Variants in PNPT1 observed in about 807,000 individuals in gnomAD.
PNPT1 encodes polyribonucleotide nucleotidyltransferase 1.
A neutral mutation model predicts 119.5 loss-of-function variants in PNPT1; 53 were observed. The ratio of observed to expected loss-of-function variants is 0.44; its 90% CI spans 0.36 to 0.56. The LOEUF is 0.56. Ranked by LOEUF, PNPT1 falls within the 20% of genes least tolerant of loss-of-function variation. The pLI, the probability that PNPT1 is intolerant of heterozygous loss-of-function variation, is 0.00. For synonymous variants in PNPT1, 357 were observed against 322.1 expected (o/e 1.11, Z -1.16); for missense variants, 948 against 938.5 (o/e 1.01, Z -0.13).
At chr2:55,690,281 G>C (rs996100617) in intron 1 of PNPT1, among the ~76,000 whole-genome samples, 2 of 152,174 alleles carry the variant, frequency 1.3e-5, no homozygotes, top group Non-Finnish European at 2.9e-5. Flanking sequence ...AGCAAAACTT[G>C]TCAAAGAGCT....
chr2:55,636,184 A>G lies in PNPT1; in HGVS notation c.*53T>C. The G allele has an allele frequency of 1.4e-6, 2 of 1,418,134 alleles. No individual in the cohort carries two copies. Among genetic ancestry groups the G allele is most frequent in the Admixed American group, 3.9e-5 (2 of 50,846 alleles). The allele number at this position is 1,418,134 out of a possible 1,614,324, so 87.8% of individuals were successfully genotyped here. A position where few individuals can be genotyped will look rare whatever the true frequency, so the allele number is the denominator to read the frequency against. ...AGATACTACTAAAATGTTGCTCTAC[A>G]GCACATCACCCTAGACAAAATAGAA... is the stretch of plus-strand genomic sequence containing the variant. On this transcript the variant is annotated 3_prime_UTR_variant, in exon 28 of 28. Coordinates refer to ENST00000447944, the MANE Select transcript of PNPT1 (RefSeq NM_033109.5).
chr2:55,639,892 A>C lies in PNPT1; in HGVS notation c.2148+735T>G, dbSNP rs562398210. 2.6e-5 allele frequency among the ~76,000 whole-genome samples: 4 copies of C among 152,276 alleles called. No individual in the cohort carries two copies. The East Asian group carries it at 7.7e-4, about 29-fold the overall frequency. ...TCTTTTCCTACCACCTTTTTTAAAA[A>C]GCACATTTAGCTCTTTGATCCAGAC... On this transcript the variant is annotated intron_variant, in intron 26 of 27. Transcript: ENST00000447944.
intron 27 of PNPT1, 66 bp downstream of exon 27, chr2:55,637,486 G>T (rs1476377856): frequency 2.1e-6 from 3 of 1,440,500 alleles, no homozygotes; most frequent in Admixed American, 3.8e-5. Context: ...TCAACTTTTT[G>T]AAAAAAACAA....
At chr2:55,647,862 T>C (rs911802956) in intron 18 of PNPT1, among the ~76,000 whole-genome samples, 26 of 152,218 alleles carry the variant, frequency 1.7e-4, no homozygotes, top group African/African-American at 5.5e-4. Flanking sequence ...GTTGCCTAAA[T>C]TGACAATCAC....
chr2:55,683,913 T>C (rs1464048162), intron 4 of PNPT1, 79 bp from the exon 5 acceptor site: 7 of 1,347,244 alleles, frequency 5.2e-6, no homozygotes, highest in Non-Finnish European at 6.3e-6. Context: ...CTAATATAGA[T>C]AGCCATTCAA....
chr2:55,671,032 A>T (rs1696895918), intron 11 of PNPT1, among the ~76,000 whole-genome samples: 1 of 152,142 alleles, frequency 6.6e-6, no homozygotes, highest in South Asian at 2.1e-4. Flanking sequence ...ACATAGTAAT[A>T]GCGGTTCTGT....
chr2:55,691,878 A>ATATATATATATTTTTTTT (rs1326804958), intron 1 of PNPT1, among the ~76,000 whole-genome samples: 17 of 33,054 alleles, frequency 5.1e-4, no homozygotes, highest in Non-Finnish European at 8.8e-4. Flanking sequence ...ATATATATAT[A>ATATATATATATTTTTTTT]TTTTTTTTTT....
At chr2:55,645,237 G>A (rs575560783) in intron 22 of PNPT1, 112 bp downstream of exon 22, 13 of 634,608 alleles carry the variant, frequency 2.0e-5, no homozygotes, top group South Asian at 1.6e-4. Flanking sequence ...TGTTAGCCAG[G>A]ATGGTCTCGA....
chr2:55,677,679 A>AGG (rs199723231), intron 8 of PNPT1, among the ~76,000 whole-genome samples: 4,875 of 151,030 alleles, frequency 0.032, 185 homozygotes, highest in Admixed American at 0.11. Context: ...TCAAACTCTA[A>AGG]GGTAGATAGT....
At chr2:55,645,879 G>A (rs115885599) in intron 21 of PNPT1, among the ~76,000 whole-genome samples, 4,557 of 151,952 alleles carry the variant, frequency 0.03, 105 homozygotes, top group South Asian at 0.089. Context: ...CCAGGCTGGC[G>A]CGCAATGGCA....
chr2:55,667,116 T>C (rs1320843552), intron 12 of PNPT1, 23 bp from the exon 13 acceptor site: 2 of 1,548,798 alleles, frequency 1.3e-6, no homozygotes, highest in Non-Finnish European at 1.8e-6. Context: ...AGGAAATAAG[T>C]ACATTAAGTA....
intron 18 of PNPT1, among the ~76,000 whole-genome samples, chr2:55,649,139 A>AAT (rs1696093004): frequency 6.6e-6 from 1 of 152,134 alleles, no homozygotes; most frequent in South Asian, 2.1e-4. Flanking sequence ...AAGCACCTTA[A>AAT]ATATATATTC....
chr2:55,688,625 C>A (rs144186032), intron 1 of PNPT1, among the ~76,000 whole-genome samples: 3 of 151,742 alleles, frequency 2.0e-5, no homozygotes. Flanking sequence ...CCAAGGAGGC[C>A]GAGGCAAGAG....
rs183920252 is a variant in PNPT1, at chr2:55,665,790, T to C, written c.1176+1201A>G. ...AAAATTAAAGCAAAAAGTTACTACT[T>C]GGTGCCTATCAGATTGATAGAATTA... On this transcript the variant is annotated intron_variant, in intron 13 of 27. Transcript: ENST00000447944. Among the ~76,000 whole-genome samples, 3 of 152,282 alleles carry C rather than the reference T, an allele frequency of 2.0e-5. No homozygotes were observed. In the East Asian group the frequency reaches 5.8e-4, roughly 29 times the overall value.
intron 11 of PNPT1, among the ~76,000 whole-genome samples, chr2:55,669,753 C>G (rs1420338561): frequency 8.4e-6 from 1 of 119,618 alleles, no homozygotes; most frequent in Non-Finnish European, 1.6e-5. Context: ...AATATCAATG[C>G]TAACAGCACT....
intron 14 of PNPT1, among the ~76,000 whole-genome samples, 167 bp from the exon 15 acceptor site, chr2:55,660,360 T>C (rs1696526910): frequency 6.6e-6 from 1 of 152,244 alleles, no homozygotes; most frequent in African/African-American, 2.4e-5. Flanking sequence ...GATTGTGAGA[T>C]GATATTTTCT....
Position 55,686,458 on chromosome 2 carries a change from A to C in PNPT1, c.223-14T>G, listed in dbSNP as rs970735065. On this transcript the variant is annotated splice_polypyrimidine_tract_variant and intron_variant, in intron 2 of 27. Transcript: ENST00000447944. ...AGTGTCACCTGACTTAAACATAAAG[A>C]ACAACGCTGGTAAGTTCCTTTGAAA... The C allele has an allele frequency of 6.8e-6, 11 of 1,607,006 alleles. No individual in the cohort carries two copies. The highest frequency in any genetic ancestry group is 5.0e-5 in the Admixed American group (3 of 59,606).
intron 5 of PNPT1, among the ~76,000 whole-genome samples, chr2:55,681,447 A>G (rs1321280182): frequency 1.3e-5 from 2 of 152,072 alleles, no homozygotes; most frequent in Non-Finnish European, 2.9e-5. Context: ...GCCTCTTCCC[A>G]AAGGGTTCCT....
chr2:55,681,898 T>C lies in PNPT1; in HGVS notation c.454-980A>G, dbSNP rs1320639755. 2.0e-5 allele frequency among the ~76,000 whole-genome samples: 3 copies of C among 148,316 alleles called. No individual in the cohort carries two copies. The East Asian group carries it at 6.0e-4, about 29-fold the overall frequency. Reference sequence around the variant, plus strand: ...GGCTCACGCCTGTAATCCCAGCATGTTGGGAGGCTGAGGCGGGCAGATCAC... The same window carrying C: ...GGCTCACGCCTGTAATCCCAGCATGCTGGGAGGCTGAGGCGGGCAGATCAC... On this transcript the variant is annotated intron_variant, in intron 5 of 27. Transcript: ENST00000447944.
Sources: allele counts gnomAD v4.1 joint callset (sites outside exome capture counted in the v4.1 genomes callset), GRCh38; gene constraint gnomAD v4.1.1; transcripts MANE v1.5; gene names NCBI Gene and HGNC (gene_info 2026-07-23, HGNC 2026-07-21).